The following SGCG variants were observed in gnomAD, a reference collection of about 807,000 sequenced individuals.
SGCG encodes the protein sarcoglycan gamma, also known as gamma-sarcoglycan.
SGCG carries 26 observed loss-of-function variants against 29.3 expected under a neutral mutation model. The ratio of observed to expected loss-of-function variants is 0.89; its 90% confidence interval spans 0.65 to 1.23. SGCG has a LOEUF of 1.23. Ranked by LOEUF, SGCG falls within the 50% of genes most tolerant of loss-of-function variation. SGCG has a pLI of 0.00. For missense variants in SGCG, 353 were observed against 356.0 expected, an observed-to-expected ratio of 0.99 and a Z score of 0.07; for synonymous variants, 145 against 129.7, an observed-to-expected ratio of 1.12 and a Z score of -0.80.
chr13:23,259,464 T>C (rs1036754328), intron 4 of SGCG, among the ~76,000 whole-genome samples: 2 of 152,184 alleles, frequency 1.3e-5, no homozygotes, highest in Admixed American at 1.3e-4. Flanking sequence ...TAGCGGTCTA[T>C]CAATTTTGTT....
chr13:23,309,302 T>C (rs1214985340), intron 6 of SGCG, among the ~76,000 whole-genome samples: 1 of 152,170 alleles, frequency 6.6e-6, no homozygotes, highest in East Asian at 1.9e-4. Flanking sequence ...TTGTCCAGGC[T>C]GGCCTTGAAC....
chr13:23,194,761 C>T (rs879523365), intron 1 of SGCG, among the ~76,000 whole-genome samples: 68 of 152,150 alleles, frequency 4.5e-4, no homozygotes, highest in South Asian at 8.3e-4. Context: ...GGACATGTGT[C>T]CACATGACCG....
upstream of SGCG, among the ~76,000 whole-genome samples, chr13:23,179,719 G>A (rs1876668237): frequency 6.6e-6 from 1 of 152,192 alleles, no homozygotes; most frequent in Non-Finnish European, 1.5e-5. Flanking sequence ...GTATCAGCTT[G>A]TAATTTAAGG....
At chr13:23,205,721 CA>C (rs2137504502) in intron 2 of SGCG, among the ~76,000 whole-genome samples, 1 of 152,226 alleles carries the variant, frequency 6.6e-6, no homozygotes, top group African/African-American at 2.4e-5. Flanking sequence ...CAGAGATCAG[CA>C]CAGCCTTTCC....
intron 1 of SGCG, among the ~76,000 whole-genome samples, chr13:23,194,440 T>C (rs1183752651): frequency 6.6e-6 from 1 of 152,200 alleles, no homozygotes; most frequent in African/African-American, 2.4e-5. Flanking sequence ...GTGCTGAATT[T>C]AGGATCTCAA....
chr13:23,215,785 G>A (rs145522274), intron 2 of SGCG, among the ~76,000 whole-genome samples: 14 of 147,410 alleles, frequency 9.5e-5, no homozygotes, highest in African/African-American at 3.5e-4. Context: ...GGTGTTAATA[G>A]AGTAAGCTGA....
chr13:23,169,746 A>ACG, the SGCG span: 5 of 146,466 alleles, frequency 3.4e-5, 1 homozygote, highest in Non-Finnish European at 4.5e-5. Flanking sequence ...ACACACACAC[A>ACG]CGCAACTTCT....
intron 6 of SGCG, among the ~76,000 whole-genome samples, chr13:23,303,434 T>A (rs957989621): frequency 2.0e-5 from 3 of 152,234 alleles, no homozygotes; most frequent in African/African-American, 7.2e-5. Flanking sequence ...AGCCCTACAC[T>A]TGCCCGAGCT....
At chr13:23,182,510 A>G (rs1876781359) in intron 1 of SGCG, among the ~76,000 whole-genome samples, 1 of 145,282 alleles carries the variant, frequency 6.9e-6, no homozygotes, top group Non-Finnish European at 1.5e-5. Flanking sequence ...GTCTGGCTTT[A>G]TTCTTCTCCA....
intron 2 of SGCG, among the ~76,000 whole-genome samples, chr13:23,221,825 C>G (rs61946662): frequency 0.061 from 9,280 of 152,238 alleles, 397 homozygotes; most frequent in Middle Eastern, 0.15. Context: ...CAACAAAGGA[C>G]AGGGGAACCT....
intron 6 of SGCG, among the ~76,000 whole-genome samples, chr13:23,304,205 CT>C (rs1210629373): frequency 6.6e-6 from 1 of 152,006 alleles, no homozygotes; most frequent in African/African-American, 2.4e-5. Context: ...ACTTATTGTA[CT>C]TTATGCTGTG....
At position 23,219,827 on chromosome 13, in the gene SGCG, C is replaced by CTTTT. The variant is rs1184090222; in HGVS notation, c.196-14765_196-14762dup. 9.6e-4 allele frequency among the ~76,000 whole-genome samples: 95 copies of CTTTT among 99,230 alleles called. 1 individual carries two copies. Among genetic ancestry groups the CTTTT allele is most frequent in the Non-Finnish European group, 1.4e-3 (71 of 50,792 alleles). 65.1% of individuals were successfully genotyped at this position (99,230 alleles called of 152,430 possible). A position where few individuals can be genotyped will look rare whatever the true frequency, so the allele number is the denominator to read the frequency against. ...TGAAACTAGGTTTACATTTCTTTTC[C>CTTTT]TTTTTTTTTTTTTTTTTTTTTTGAG... On this transcript the variant is annotated intron_variant, in intron 2 of 7. Transcript: ENST00000218867.
chr13:23,260,243 A>G (rs956210271), intron 4 of SGCG, among the ~76,000 whole-genome samples: 3 of 152,130 alleles, frequency 2.0e-5, no homozygotes, highest in Non-Finnish European at 2.9e-5. Flanking sequence ...TTGGGTGCAT[A>G]TATATTTAGG....
At chr13:23,200,591 T>TA (rs1225520207) in intron 1 of SGCG, among the ~76,000 whole-genome samples, 2 of 151,950 alleles carry the variant, frequency 1.3e-5, no homozygotes, top group Admixed American at 6.6e-5. Context: ...TCTCAGGGCT[T>TA]ATAGGTGGAG....
intron 5 of SGCG, among the ~76,000 whole-genome samples, chr13:23,288,691 G>A (rs1881592619): frequency 6.6e-6 from 1 of 152,146 alleles, no homozygotes; most frequent in African/African-American, 2.4e-5. Context: ...ATTAACCCAA[G>A]TTACAGAACA....
chr13:23,173,560 T>C, the SGCG span, among the ~76,000 whole-genome samples: 1 of 152,244 alleles, frequency 6.6e-6, no homozygotes, highest in Admixed American at 6.5e-5. Flanking sequence ...TGTTCAGTTC[T>C]GCTATTTTCC....
At chr13:23,318,033 T>C (rs998508846) in intron 6 of SGCG, among the ~76,000 whole-genome samples, 3 of 152,218 alleles carry the variant, frequency 2.0e-5, no homozygotes, top group African/African-American at 7.2e-5. Flanking sequence ...CATCTTTTTG[T>C]CATGCTGGAT....
intron 4 of SGCG, among the ~76,000 whole-genome samples, chr13:23,257,149 A>C (rs977575478): frequency 6.6e-6 from 1 of 151,934 alleles, no homozygotes. Flanking sequence ...GCATTTTTTC[A>C]TGTGTCTGTT....
intron 2 of SGCG, among the ~76,000 whole-genome samples, chr13:23,204,740 C>G (rs905720828): frequency 2.3e-5 from 3 of 128,524 alleles, no homozygotes; most frequent in Non-Finnish European, 4.7e-5. Flanking sequence ...GAGTCTCACT[C>G]TGTTGCCCAG....
Sources: gnomAD v4.1 joint callset for allele counts (sites outside exome capture counted in the v4.1 genomes callset) on GRCh38, gnomAD v4.1.1 for gene constraint, MANE v1.5 for transcripts, NCBI Gene and HGNC (gene_info 2026-07-23, HGNC 2026-07-21) for gene names.